TSHZ2: variants seen among roughly 807,000 people sequenced by gnomAD.
The protein encoded by TSHZ2 is teashirt homolog 2.
In TSHZ2, 21 loss-of-function variants were observed where a neutral mutation model predicts 74.4. The ratio of observed to expected loss-of-function variants is 0.28; its 90% CI spans 0.20 to 0.41. The LOEUF (loss-of-function observed/expected upper bound fraction) is 0.41, where lower values mean the gene tolerates loss of function less well. TSHZ2 is among the 10% of genes least tolerant of loss of function. The pLI is 1.00. For synonymous variants in TSHZ2, 540 were observed against 515.3 expected (o/e 1.05, Z -0.65); for missense variants, 1,244 against 1,293.5 (o/e 0.96, Z 0.59).
In TSHZ2 at chr20:53,493,409, G is replaced by A. The variant is rs1477677670; in HGVS notation, c.*6274G>A. 6.6e-6 allele frequency: 1 copy of A among 152,146 alleles called. No individual in the cohort carries two copies. Among genetic ancestry groups the A allele is most frequent in the Non-Finnish European group, 1.5e-5 (1 of 68,014 alleles). 9.4% of individuals were successfully genotyped at this position (152,146 alleles called of 1,614,324 possible). ...TTAAAGGCATGCTTTACCCCCATGGGAAAACTGCACACTCATCCATGTAGA... is the reference window on the plus strand; with the variant it reads ...TTAAAGGCATGCTTTACCCCCATGGAAAAACTGCACACTCATCCATGTAGA... On this transcript the variant is annotated 3_prime_UTR_variant, in exon 3 of 3. Transcript: ENST00000371497.
chr20:53,187,531 G>A (rs991585151), intron 1 of TSHZ2, among the ~76,000 whole-genome samples: 6 of 152,160 alleles, frequency 3.9e-5, no homozygotes, highest in Admixed American at 2.6e-4. Context: ...AGTTCTGGAA[G>A]CGAGCAGTAT....
intron 2 of TSHZ2, among the ~76,000 whole-genome samples, chr20:53,359,117 A>C (rs1980959048): frequency 6.6e-6 from 1 of 152,044 alleles, no homozygotes; most frequent in East Asian, 1.9e-4. Context: ...TGGAGGGCCT[A>C]CTCTAATCCA....
intron 1 of TSHZ2, among the ~76,000 whole-genome samples, chr20:53,023,243 C>G (rs1983311794): frequency 6.6e-6 from 1 of 152,172 alleles, no homozygotes; most frequent in African/African-American, 2.4e-5. Flanking sequence ...ACATGAGACA[C>G]TTGGAGGTGG....
chr20:53,076,427 A>G (rs1985365375), intron 1 of TSHZ2, among the ~76,000 whole-genome samples: 1 of 152,220 alleles, frequency 6.6e-6, no homozygotes. Context: ...GCACTGGATG[A>G]AAGTAGATGA....
At chr20:53,159,275 A>G (rs1272357309) in intron 1 of TSHZ2, among the ~76,000 whole-genome samples, 2 of 152,202 alleles carry the variant, frequency 1.3e-5, no homozygotes, top group African/African-American at 2.4e-5. Flanking sequence ...CTCATCCTCT[A>G]TAGTGGAGTC....
At chr20:53,450,320 T>C (rs1984725364) in intron 2 of TSHZ2, among the ~76,000 whole-genome samples, 1 of 149,708 alleles carries the variant, frequency 6.7e-6, no homozygotes, top group Non-Finnish European at 1.5e-5. Flanking sequence ...AAAGAAAGAA[T>C]ATGTGTAAAG....
intron 1 of TSHZ2, among the ~76,000 whole-genome samples, chr20:52,981,755 T>A (rs1981577357): frequency 6.6e-6 from 1 of 152,206 alleles, no homozygotes; most frequent in Non-Finnish European, 1.5e-5. Context: ...GAAATAGAAT[T>A]TATAGCACCA....
chr20:53,234,667 G>A (rs190270286), intron 1 of TSHZ2, among the ~76,000 whole-genome samples: 73 of 152,288 alleles, frequency 4.8e-4, no homozygotes, highest in African/African-American at 1.6e-3. Flanking sequence ...TAGGAAAAGT[G>A]CAGAGACAGC....
intron 2 of TSHZ2, among the ~76,000 whole-genome samples, chr20:53,469,827 A>G (rs1164243867): frequency 7.4e-6 from 1 of 135,252 alleles, no homozygotes; most frequent in African/African-American, 2.7e-5. Context: ...ATAGAGAAAG[A>G]GAGAGGGAGG....
chr20:53,419,862 G>C (rs1371822629), intron 2 of TSHZ2, among the ~76,000 whole-genome samples: 1 of 152,228 alleles, frequency 6.6e-6, no homozygotes, highest in African/African-American at 2.4e-5. Flanking sequence ...TTGATGTACA[G>C]TGTCCCAGGG....
intron 1 of TSHZ2, among the ~76,000 whole-genome samples, chr20:53,116,252 A>G (rs1313524487): frequency 6.6e-6 from 1 of 151,276 alleles, no homozygotes. Context: ...AGGAATGCAC[A>G]TTTAAGGAGG....
At chr20:53,232,503 A>G (rs1007741731) in intron 1 of TSHZ2, among the ~76,000 whole-genome samples, 1 of 152,212 alleles carries the variant, frequency 6.6e-6, no homozygotes, top group African/African-American at 2.4e-5. Flanking sequence ...ACATTCCTCT[A>G]TTAGACATTT....
Position 53,187,424 on chromosome 20 carries a change from G to A in TSHZ2, c.41-66075G>A, listed in dbSNP as rs548716208. ...TGTGTTTAAAGCAAACCGGTGTCTCGAGCTTTGATAAATGGCTAGATGGTC... is the reference window on the plus strand; with the variant it reads ...TGTGTTTAAAGCAAACCGGTGTCTCAAGCTTTGATAAATGGCTAGATGGTC... On this transcript the variant is annotated intron_variant, in intron 1 of 2. Transcript: ENST00000371497. 6.8e-4 allele frequency among the ~76,000 whole-genome samples: 104 copies of A among 152,276 alleles called. 2 individuals are homozygous for A. Among genetic ancestry groups the A allele is most frequent in the African/African-American group, 2.4e-3 (101 of 41,550 alleles).
At chr20:53,261,215 A>G (rs1430180954) in intron 2 of TSHZ2, among the ~76,000 whole-genome samples, 1 of 152,204 alleles carries the variant, frequency 6.6e-6, no homozygotes, top group Non-Finnish European at 1.5e-5. Flanking sequence ...ATGTGGCCTA[A>G]GAGCTGAGAG....
chr20:53,027,780 G>C, intron 1 of TSHZ2, among the ~76,000 whole-genome samples: 1 of 152,068 alleles, frequency 6.6e-6, no homozygotes, highest in Non-Finnish European at 1.5e-5. Flanking sequence ...AAAATGTAGA[G>C]ACCCTGAAGG....
chr20:53,428,484 G>T (rs1458028381), intron 2 of TSHZ2, among the ~76,000 whole-genome samples: 2 of 152,150 alleles, frequency 1.3e-5, no homozygotes, highest in African/African-American at 4.8e-5. Flanking sequence ...CCTGGTTGAG[G>T]AATTCCCTGA....
chr20:53,037,351 A>G (rs1983860322), intron 1 of TSHZ2, among the ~76,000 whole-genome samples: 1 of 152,238 alleles, frequency 6.6e-6, no homozygotes, highest in Non-Finnish European at 1.5e-5. Context: ...ATAAGCAGAA[A>G]TCCTGGTTAG....
rs889425475 is a variant in TSHZ2 at position 52,973,246 on chromosome 20, G to A, written c.-48G>A. On this transcript the variant is annotated 5_prime_UTR_variant, in exon 1 of 3. Transcript: ENST00000371497. ...CCAGAGAGACAGCGGGCCCCAGCGC[G>A]CGGCTCGGGGCTGGGGCGCCAGAAG... is the stretch of plus-strand genomic sequence containing the variant. 1.4e-5 allele frequency: 22 copies of A among 1,550,926 alleles called. No homozygotes were observed. The highest frequency in any genetic ancestry group is 1.9e-5 in the Non-Finnish European group (22 of 1,146,566).
chr20:53,362,513 T>C (rs964939960), intron 2 of TSHZ2, among the ~76,000 whole-genome samples: 1 of 152,152 alleles, frequency 6.6e-6, no homozygotes, highest in Non-Finnish European at 1.5e-5. Context: ...CTGAACTGTA[T>C]AGAAATGTAA....
Sources: allele counts gnomAD v4.1 joint callset (sites outside exome capture counted in the v4.1 genomes callset), GRCh38; gene constraint gnomAD v4.1.1; transcripts MANE v1.5; gene names NCBI Gene and HGNC (gene_info 2026-07-23, HGNC 2026-07-21).